GSG1L: variants seen among roughly 807,000 people sequenced by gnomAD.
GSG1L encodes germ cell-specific gene 1-like protein.
A neutral mutation model predicts 42.1 loss-of-function variants in GSG1L; 24 were observed. The ratio of observed to expected loss-of-function variants is 0.57; its 90% CI spans 0.41 to 0.80. The LOEUF (loss-of-function observed/expected upper bound fraction) is 0.80, where lower values mean the gene tolerates loss of function less well. GSG1L is among the 30% of genes least tolerant of loss of function. GSG1L has a pLI of 0.00. For missense variants in GSG1L, 445 were observed against 472.2 expected (o/e 0.94, Z 0.53); for synonymous variants, 215 against 203.5 (o/e 1.06, Z -0.48).
At chr16:27,883,815 T>C (rs527676548) in intron 3 of GSG1L, among the ~76,000 whole-genome samples, 9 of 152,318 alleles carry the variant, frequency 5.9e-5, no homozygotes, top group African/African-American at 2.2e-4. Flanking sequence ...CCTGGGCACC[T>C]GCCCACCAAA....
chr16:27,943,976 G>A (rs1365052068), intron 2 of GSG1L, among the ~76,000 whole-genome samples: 2 of 152,098 alleles, frequency 1.3e-5, no homozygotes, highest in Non-Finnish European at 2.9e-5. Flanking sequence ...GAGTTGCTGT[G>A]TTCTGATAAA....
chr16:28,033,169 G>A (rs2085987436), intron 1 of GSG1L, among the ~76,000 whole-genome samples: 1 of 152,082 alleles, frequency 6.6e-6, no homozygotes, highest in South Asian at 2.1e-4. Context: ...CAGGGCCTTT[G>A]CACCTGCCAA....
At chr16:27,954,800 C>T (rs771097614) in intron 2 of GSG1L, among the ~76,000 whole-genome samples, 1 of 152,136 alleles carries the variant, frequency 6.6e-6, no homozygotes, top group Non-Finnish European at 1.5e-5. Flanking sequence ...ACTGCAGGTA[C>T]ACACCACCAT....
intron 1 of GSG1L, among the ~76,000 whole-genome samples, chr16:27,992,366 G>T (rs1018639114): frequency 2.0e-5 from 3 of 152,050 alleles, no homozygotes; most frequent in Non-Finnish European, 4.4e-5. Context: ...GTGGTGGCGT[G>T]TGTCTGTAAT....
At chr16:27,899,281 C>A (rs1177890726) in intron 2 of GSG1L, among the ~76,000 whole-genome samples, 1 of 152,198 alleles carries the variant, frequency 6.6e-6, no homozygotes. Context: ...TTTAAGGGCA[C>A]GGCCTGGGGA....
intron 1 of GSG1L, among the ~76,000 whole-genome samples, chr16:28,009,368 C>A (rs1380575267): frequency 6.6e-6 from 1 of 151,896 alleles, no homozygotes; most frequent in African/African-American, 2.4e-5. Context: ...AGCACCCCTG[C>A]CCCCCCTGCA....
At chr16:28,029,514 T>C (rs113246899) in intron 1 of GSG1L, among the ~76,000 whole-genome samples, 17 of 140,284 alleles carry the variant, frequency 1.2e-4, no homozygotes, top group African/African-American at 4.3e-4. Flanking sequence ...AATGTGTAGA[T>C]ATATGGGTGC....
rs182055906 is a variant in GSG1L at position 27,906,039 on chromosome 16, A to G, written c.398-21401T>C. ...ATTTCCTTTGGTATTTTTAAAGATC[A>G]GAGAATCCACGGGAATATACAAGTT... On this transcript the variant is annotated intron_variant, in intron 2 of 6. Coordinates refer to ENST00000447459, the MANE Select transcript of GSG1L (RefSeq NM_001109763.2). 2.0e-5 allele frequency among the ~76,000 whole-genome samples: 3 copies of G among 152,318 alleles called. No individual in the cohort carries two copies. The East Asian group carries it at 5.8e-4, about 29-fold the overall frequency.
chr16:27,889,997 T>C (rs1345976212), intron 2 of GSG1L, among the ~76,000 whole-genome samples: 2 of 152,164 alleles, frequency 1.3e-5, no homozygotes, highest in East Asian at 3.9e-4. Flanking sequence ...GGTAGTGGCA[T>C]AGTCTAGATT....
intron 2 of GSG1L, among the ~76,000 whole-genome samples, chr16:27,909,381 CTTTTTTTT>C (rs34041209): frequency 8.5e-6 from 1 of 117,806 alleles, no homozygotes. Context: ...TCTTCTTTTT[CTTTTTTTT>C]TTTTTTTTTG....
chr16:27,890,056 G>A (rs1485192550), intron 2 of GSG1L, among the ~76,000 whole-genome samples: 1 of 152,176 alleles, frequency 6.6e-6, no homozygotes, highest in Non-Finnish European at 1.5e-5. Context: ...CAAGGAGGCT[G>A]TCGTCAGGAC....
At chr16:27,798,550 T>C (rs1340325234) in intron 6 of GSG1L, among the ~76,000 whole-genome samples, 1 of 151,912 alleles carries the variant, frequency 6.6e-6, no homozygotes, top group Non-Finnish European at 1.5e-5. Flanking sequence ...GCAGAGCACA[T>C]GGGGATGAAG....
chr16:27,820,993 C>G (rs890744998), intron 5 of GSG1L, among the ~76,000 whole-genome samples: 6 of 152,114 alleles, frequency 3.9e-5, no homozygotes, highest in Non-Finnish European at 8.8e-5. Context: ...AATAGCCTTC[C>G]TCACCCACTG....
intron 6 of GSG1L, among the ~76,000 whole-genome samples, chr16:27,803,804 G>GATATAT (rs1405273060): frequency 2.4e-5 from 3 of 122,468 alleles, no homozygotes; most frequent in South Asian, 2.6e-4. Context: ...TAGATAGATA[G>GATATAT]ATATAGATAT....
At chr16:27,803,800 G>GATATATATATATAGATATAT (rs1406574562) in intron 6 of GSG1L, among the ~76,000 whole-genome samples, 5 of 74,246 alleles carry the variant, frequency 6.7e-5, no homozygotes, top group African/African-American at 2.6e-4. Context: ...TATATAGATA[G>GATATATATATATAGATATAT]ATAGATATAG....
chr16:27,867,122 G>A (rs2083737878), intron 3 of GSG1L, among the ~76,000 whole-genome samples: 1 of 152,172 alleles, frequency 6.6e-6, no homozygotes. Flanking sequence ...TGTGGTACTA[G>A]GGATACAGGG....
At chr16:27,949,197 T>C (rs184803769) in intron 2 of GSG1L, among the ~76,000 whole-genome samples, 171 of 151,836 alleles carry the variant, frequency 1.1e-3, no homozygotes, top group African/African-American at 3.8e-3. Flanking sequence ...ATTACAGGCA[T>C]GAGCCACCGC....
At chr16:27,852,934 C>T (rs1053053623) in intron 3 of GSG1L, among the ~76,000 whole-genome samples, 26 of 152,050 alleles carry the variant, frequency 1.7e-4, no homozygotes, top group Non-Finnish European at 3.8e-4. Context: ...CACCGGGTAC[C>T]GCTGAGACCG....
At chr16:27,803,808 T>G (rs1314919443) in intron 6 of GSG1L, among the ~76,000 whole-genome samples, 13 of 143,232 alleles carry the variant, frequency 9.1e-5, no homozygotes, top group African/African-American at 3.0e-4. Context: ...TAGATAGATA[T>G]AGATATAGAT....
Sources: gnomAD v4.1 joint callset for allele counts (sites outside exome capture counted in the v4.1 genomes callset) on GRCh38, gnomAD v4.1.1 for gene constraint, MANE v1.5 for transcripts, NCBI Gene and HGNC (gene_info 2026-07-23, HGNC 2026-07-21) for gene names.